SAR1A: variants seen among roughly 807,000 people sequenced by gnomAD.
SAR1A encodes secretion associated Ras related GTPase 1A.
In SAR1A, 6 loss-of-function variants were observed where a neutral mutation model predicts 22.6. That is an observed-to-expected ratio of 0.27 (90% CI 0.15 to 0.52). SAR1A has a LOEUF of 0.52. Ranked by LOEUF, SAR1A falls within the 20% of genes least tolerant of loss-of-function variation. The pLI is 0.96. For synonymous variants in SAR1A, 70 were observed against 82.2 expected, an observed-to-expected ratio of 0.85 and a Z score of 0.80; for missense variants, 145 against 245.1, an observed-to-expected ratio of 0.59 and a Z score of 2.73.
Position 70,150,606 on chromosome 10 carries a change from T to C in SAR1A, c.*1870A>G, listed in dbSNP as rs1839314291. 1.3e-5 allele frequency: 2 copies of C among 152,214 alleles called. No homozygotes were observed. Among genetic ancestry groups the C allele is most frequent in the South Asian group, 4.1e-4 (2 of 4,830 alleles). 9.4% of individuals were successfully genotyped at this position (152,214 alleles called of 1,614,324 possible). A position where few individuals can be genotyped will look rare whatever the true frequency, so the allele number is the denominator to read the frequency against. ...AACACTGAAGTAATCATACTTCTCA[T>C]GTCTCCGAACAGAGAAGTATGGGGG... On this transcript the variant is annotated 3_prime_UTR_variant, in exon 7 of 7. Coordinates refer to ENST00000373241, the MANE Select transcript of SAR1A (RefSeq NM_020150.5).
chr10:70,161,712 C>T lies in SAR1A; in HGVS notation c.85G>A (p.Val29Ile). The T allele has an allele frequency of 6.2e-7, 1 of 1,613,748 alleles. No homozygotes were observed. The highest frequency in any genetic ancestry group is 8.5e-7 in the Non-Finnish European group (1 of 1,180,018). ...LGLYKKSGKL[V>I]FLGLDNAGKT... ...CCTGCATTATCCAAACCTAAGAATA[C>T]AAGTTTTCCAGATTTCTTGTACAGT... Residue 29 changes from valine (V) to isoleucine (I), a missense_variant, in exon 3 of 7, where the codon GTA becomes ATA. Physicochemically the swap from Val to Ile is conservative, Grantham distance 29. This residue lies in a region of SAR1A where 40 missense variants were observed against 105.7 expected (regional missense o/e 0.38). Coordinates refer to ENST00000373241, the MANE Select transcript of SAR1A (RefSeq NM_020150.5).
intron 4 of SAR1A, among the ~76,000 whole-genome samples, chr10:70,160,746 T>C (rs180769857): frequency 2.6e-5 from 4 of 152,374 alleles, no homozygotes; most frequent in East Asian, 1.9e-4. Context: ...TGAATAGTTA[T>C]ACATTATGGC....
chr10:70,162,042 C>A (rs745659895), intron 1 of SAR1A, 111 bp from the exon 2 acceptor site: 5 of 799,204 alleles, frequency 6.3e-6, no homozygotes, highest in East Asian at 5.6e-5. Context: ...CTCTTGTTTT[C>A]GGGAATAAGA....
rs1327699888 is a variant in SAR1A at position 70,150,463 on chromosome 10, C to G, written c.*2013G>C. 1 of 152,150 alleles carries G rather than the reference C, an allele frequency of 6.6e-6. No homozygotes were observed. The highest frequency in any genetic ancestry group is 1.5e-5 in the Non-Finnish European group (1 of 68,030). 9.4% of individuals were successfully genotyped at this position (152,150 alleles called of 1,614,324 possible). A position where few individuals can be genotyped will look rare whatever the true frequency, so the allele number is the denominator to read the frequency against. On this transcript the variant is annotated 3_prime_UTR_variant, in exon 7 of 7. Coordinates refer to ENST00000373241, the MANE Select transcript of SAR1A (RefSeq NM_020150.5). ...TTGGTTCTAACTGATTTTCAATCCCCTTTCTCCAGTGGAATAAACCACTTT... is the reference window on the plus strand; with the variant it reads ...TTGGTTCTAACTGATTTTCAATCCCGTTTCTCCAGTGGAATAAACCACTTT...
At chr10:70,163,163 C>G (rs1159362696) in intron 1 of SAR1A, 1 of 152,332 alleles carries the variant, frequency 6.6e-6, no homozygotes, top group Non-Finnish European at 1.5e-5. Context: ...AGGAAAAGTT[C>G]TTGAAGAAAA....
Position 70,152,050 on chromosome 10 carries a change from A to AC in SAR1A, c.*425_*426insG. The AC allele has an allele frequency of 4.8e-6, 1 of 206,438 alleles. No individual in the cohort carries two copies. Among genetic ancestry groups the AC allele is most frequent in the South Asian group, 7.2e-5 (1 of 13,908 alleles). 12.8% of individuals were successfully genotyped at this position (206,438 alleles called of 1,614,324 possible). On this transcript the variant is annotated 3_prime_UTR_variant, in exon 7 of 7. Coordinates refer to ENST00000373241, the MANE Select transcript of SAR1A (RefSeq NM_020150.5). ...AATGTCATTCATTAGTTTAAAAAAAAAAAAGAATAGAAAACTCTGGACCAA... is the reference window on the plus strand; with the variant it reads ...AATGTCATTCATTAGTTTAAAAAAAACAAAAGAATAGAAAACTCTGGACCAA...
At chr10:70,165,277 A>AG (rs1429699354) in intron 1 of SAR1A, among the ~76,000 whole-genome samples, 2 of 151,836 alleles carry the variant, frequency 1.3e-5, no homozygotes, top group Non-Finnish European at 2.9e-5. Flanking sequence ...AAAAAAAAAA[A>AG]AAAAAAAAGA....
At chr10:70,161,201 G>T in intron 3 of SAR1A, 132 bp from the exon 4 acceptor site, 1 of 682,242 alleles carries the variant, frequency 1.5e-6, no homozygotes, top group Non-Finnish European at 2.4e-6. Context: ...GGTGGTACCC[G>T]CCTGTAGTTC....
chr10:70,153,995 A>C lies in SAR1A; in HGVS notation c.349-26T>G, dbSNP rs775231683. 2.0e-6 allele frequency: 3 copies of C among 1,528,856 alleles called. No homozygotes were observed. The East Asian group carries it at 6.9e-5, about 35-fold the overall frequency. 94.7% of individuals were successfully genotyped at this position (1,528,856 alleles called of 1,614,324 possible). A position where few individuals can be genotyped will look rare whatever the true frequency, so the allele number is the denominator to read the frequency against. Reference sequence around the variant, plus strand: ...CTAAAGATTGAAAAAAAAGAAAAAAAGAAAAAAAAGAATTAAGTGAGGAAT... The same window carrying C: ...CTAAAGATTGAAAAAAAAGAAAAAACGAAAAAAAAGAATTAAGTGAGGAAT... On this transcript the variant is annotated intron_variant, in intron 5 of 6. Transcript: ENST00000373241.
intron 1 of SAR1A, chr10:70,164,005 A>AC: frequency 1.0e-6 from 1 of 975,598 alleles, no homozygotes; most frequent in Non-Finnish European, 1.7e-6. Context: ...GAACTTCACC[A>AC]TGTGATGACA....
intron 1 of SAR1A, among the ~76,000 whole-genome samples, chr10:70,167,035 G>A (rs1263524684): frequency 6.6e-6 from 1 of 151,938 alleles, no homozygotes; most frequent in Admixed American, 6.6e-5. Flanking sequence ...TACTTTTCAG[G>A]ATATAGCAGT....
rs1480710764 is a variant in SAR1A at position 70,161,802 on chromosome 10, A to G, written c.58+56T>C. ...CAGACCAAAGCCTATTTGTAGTTAA[A>G]TTACTGAGGGAAAGGCACAAACTTT... On this transcript the variant is annotated intron_variant, in intron 2 of 6. Transcript: ENST00000373241. 3 of 1,613,340 alleles carry G rather than the reference A, an allele frequency of 1.9e-6. No homozygotes were observed. The East Asian group carries it at 6.7e-5, about 36-fold the overall frequency.
chr10:70,166,251 C>T (rs572694528), intron 1 of SAR1A, among the ~76,000 whole-genome samples: 1 of 152,316 alleles, frequency 6.6e-6, no homozygotes, highest in Admixed American at 6.5e-5. Flanking sequence ...GGTATGCCTA[C>T]ACTTTCTTTT....
At chr10:70,165,058 G>A (rs1363522004) in intron 1 of SAR1A, among the ~76,000 whole-genome samples, 3 of 152,068 alleles carry the variant, frequency 2.0e-5, no homozygotes, top group Non-Finnish European at 4.4e-5. Context: ...GAGGTCAGGA[G>A]ATCGAGACCA....
intron 1 of SAR1A, among the ~76,000 whole-genome samples, chr10:70,169,850 T>A (rs943454726): frequency 6.6e-6 from 1 of 152,122 alleles, no homozygotes; most frequent in Non-Finnish European, 1.5e-5. Flanking sequence ...AATTTTTCCA[T>A]GCAGAGACCA....
At chr10:70,154,059 A>G (rs1467236914) in intron 5 of SAR1A, 90 bp from the exon 6 acceptor site, 16 of 1,005,928 alleles carry the variant, frequency 1.6e-5, no homozygotes, top group Admixed American at 2.7e-5. Flanking sequence ...TCTGACTTCC[A>G]CTAATCTTTT....
chr10:70,165,851 T>A (rs981962052), intron 1 of SAR1A, among the ~76,000 whole-genome samples: 1 of 152,204 alleles, frequency 6.6e-6, no homozygotes, highest in African/African-American at 2.4e-5. Context: ...TACAGAGAAA[T>A]CTTTCTTGAA....
In SAR1A at chr10:70,152,071, A is replaced by T. The variant is rs1839332662; in HGVS notation, c.*405T>A. ...AAAAAAAAAGAATAGAAAACTCTGGACCAAGTAAATTGTGAACTCAAAAAG... is the reference window on the plus strand; with the variant it reads ...AAAAAAAAAGAATAGAAAACTCTGGTCCAAGTAAATTGTGAACTCAAAAAG... On this transcript the variant is annotated 3_prime_UTR_variant, in exon 7 of 7. Transcript: ENST00000373241. 1 of 231,782 alleles carries T rather than the reference A, an allele frequency of 4.3e-6. No homozygotes were observed. The highest frequency in any genetic ancestry group is 8.8e-6 in the Non-Finnish European group (1 of 113,204). 14.4% of individuals were successfully genotyped at this position (231,782 alleles called of 1,614,324 possible).
At chr10:70,154,532 A>T (rs1839363447) in intron 5 of SAR1A, among the ~76,000 whole-genome samples, 1 of 150,698 alleles carries the variant, frequency 6.6e-6, no homozygotes, top group African/African-American at 2.4e-5. Flanking sequence ...ATCTCAGCTC[A>T]CTGCAACCTG....
Sources: allele counts gnomAD v4.1 joint callset (sites outside exome capture counted in the v4.1 genomes callset), GRCh38; gene constraint gnomAD v4.1.1; regional missense constraint gnomAD v4.1.1; transcripts MANE v1.5; gene names NCBI Gene and HGNC (gene_info 2026-07-23, HGNC 2026-07-21).